The following NPNT variants were observed in gnomAD, a reference collection of about 807,000 sequenced individuals.
NPNT encodes the protein nephronectin, also known as preosteoblast EGF-like repeat protein with MAM domain.
In NPNT, 45 loss-of-function variants were observed where a neutral mutation model predicts 68.6. That is an observed-to-expected ratio of 0.66 (90% CI 0.52 to 0.84). NPNT has a LOEUF of 0.84. Among genes scored for constraint, NPNT ranks in the 40% least tolerant of loss-of-function variants. The pLI is 0.00. For synonymous variants in NPNT, 233 were observed against 253.3 expected (o/e 0.92, Z 0.76); for missense variants, 672 against 714.8 (o/e 0.94, Z 0.68).
chr4:105,933,276 G>A (rs1188693972), intron 3 of NPNT, among the ~76,000 whole-genome samples: 1 of 152,154 alleles, frequency 6.6e-6, no homozygotes, highest in Non-Finnish European at 1.5e-5. Context: ...CTGTGGGGTT[G>A]GCGTGAGAAT....
At position 105,895,741 on chromosome 4, in the gene NPNT, G is replaced by T. The variant is rs1725770348; in HGVS notation, c.71+18G>T. 4 of 1,548,544 alleles carry T rather than the reference G, an allele frequency of 2.6e-6. No homozygotes were observed. In the East Asian group the frequency reaches 9.8e-5, roughly 38 times the overall value. On this transcript the variant is annotated intron_variant, in intron 1 of 11. Coordinates refer to ENST00000379987, the MANE Select transcript of NPNT (RefSeq NM_001033047.3). ...GACGGGAGGTGAGCTGGGCCCCGGGGCGCCCTCTCCTCCTTCCCGCGCTAA... is the reference window on the plus strand; with the variant it reads ...GACGGGAGGTGAGCTGGGCCCCGGGTCGCCCTCTCCTCCTTCCCGCGCTAA...
intron 8 of NPNT, among the ~76,000 whole-genome samples, chr4:105,955,345 T>C (rs1241597924): frequency 6.6e-6 from 1 of 152,176 alleles, no homozygotes; most frequent in Non-Finnish European, 1.5e-5. Context: ...TCAAAATAGC[T>C]CCCTTGAAAT....
At chr4:105,916,195 G>A (rs1295495166) in intron 2 of NPNT, among the ~76,000 whole-genome samples, 1 of 151,124 alleles carries the variant, frequency 6.6e-6, no homozygotes, top group East Asian at 1.9e-4. Context: ...GACTAAAAGT[G>A]AATCATTGTT....
intron 2 of NPNT, among the ~76,000 whole-genome samples, chr4:105,921,771 T>C (rs1355468064): frequency 1.3e-5 from 2 of 152,206 alleles, no homozygotes. Context: ...TTGTTTCATA[T>C]TGCCTTCAGT....
rs1007343523 is a variant in NPNT, at chr4:105,959,098, G to A, written c.1317G>A (p.Leu439=). The A allele has an allele frequency of 8.1e-6, 13 of 1,613,126 alleles. No homozygotes were observed. Among genetic ancestry groups the A allele is most frequent in the Admixed American group, 1.7e-5 (1 of 60,000 alleles). The change falls in exon 10 of 12, where the codon TTG becomes TTA. Residue 439 remains leucine (L), a synonymous_variant. Transcript: ENST00000379987. ...CGWIREKDND[L]HWEPIRDPAG... is the part of the protein sequence containing the mutation. ...GGATCAGGGAGAAAGACAATGACTT[G>A]CACTGGGAACCAATCAGGGACCCAG...
At chr4:105,950,947 A>T (rs1342837362) in intron 8 of NPNT, among the ~76,000 whole-genome samples, 1 of 152,192 alleles carries the variant, frequency 6.6e-6, no homozygotes, top group Admixed American at 6.5e-5. Flanking sequence ...ATGTGTACAC[A>T]AATTACAAGG....
intron 2 of NPNT, among the ~76,000 whole-genome samples, chr4:105,916,752 G>T (rs757882146): frequency 2.0e-5 from 3 of 152,072 alleles, no homozygotes; most frequent in African/African-American, 4.8e-5. Context: ...TAGACTATTA[G>T]TTTCATGAAG....
intron 8 of NPNT, among the ~76,000 whole-genome samples, chr4:105,957,418 A>G (rs1435094143): frequency 1.3e-5 from 2 of 152,172 alleles, no homozygotes; most frequent in African/African-American, 2.4e-5. Context: ...AAATAAATCA[A>G]TGATTTAAAG....
intron 3 of NPNT, among the ~76,000 whole-genome samples, chr4:105,928,339 C>T (rs564225080): frequency 3.6e-3 from 549 of 152,216 alleles, no homozygotes; most frequent in Non-Finnish European, 5.7e-3. Flanking sequence ...ATTGGCCTGG[C>T]GTGGTGGCTC....
Position 105,970,899 on chromosome 4 carries a change from T to C in NPNT, c.*1909T>C. The C allele has an allele frequency of 3.3e-6, 1 of 306,164 alleles. No individual in the cohort carries two copies. The highest frequency in any genetic ancestry group is 2.9e-5 in the South Asian group (1 of 34,792). 19.0% of individuals were successfully genotyped at this position (306,164 alleles called of 1,614,324 possible). A position where few individuals can be genotyped will look rare whatever the true frequency, so the allele number is the denominator to read the frequency against. On this transcript the variant is annotated 3_prime_UTR_variant, in exon 12 of 12. Coordinates refer to ENST00000379987, the MANE Select transcript of NPNT (RefSeq NM_001033047.3). The stretch of plus-strand genomic sequence containing the variant: ...ATTGAAAGGGGAAGAGCCCACCAAA[T>C]GCTGAGCTCACTGAAATATCTCTCC...
chr4:105,909,755 G>C (rs1727206641), intron 2 of NPNT, among the ~76,000 whole-genome samples: 1 of 152,150 alleles, frequency 6.6e-6, no homozygotes, highest in South Asian at 2.1e-4. Context: ...GAACTTTCTA[G>C]AGCTATTGCT....
chr4:105,910,053 A>C (rs1422485513), intron 2 of NPNT, among the ~76,000 whole-genome samples: 1 of 151,754 alleles, frequency 6.6e-6, no homozygotes, highest in Non-Finnish European at 1.5e-5. Context: ...GAAGATGGGC[A>C]TACCTTTGGA....
chr4:105,937,127 A>G lies in NPNT; in HGVS notation c.384A>G (p.Ser128=), dbSNP rs1193785993. 1.9e-6 allele frequency: 3 copies of G among 1,612,972 alleles called. No homozygotes were observed. Among genetic ancestry groups the G allele is most frequent in the Non-Finnish European group, 2.5e-6 (3 of 1,179,452 alleles). ...TGCTCATGCCGGATGGTTCCTGCTCAAGTATGTCAAGAATCTTAACTGTTT... is the reference window on the plus strand; with the variant it reads ...TGCTCATGCCGGATGGTTCCTGCTCGAGTATGTCAAGAATCTTAACTGTTT... ...GYMLMPDGSC[S]SALTCSMANC... Residue 128 remains serine (S), a splice_region_variant and synonymous_variant, in exon 4 of 12, where the codon TCA becomes TCG. Coordinates refer to ENST00000379987, the MANE Select transcript of NPNT (RefSeq NM_001033047.3).
chr4:105,903,082 T>A (rs1417517363), intron 2 of NPNT, among the ~76,000 whole-genome samples: 1 of 152,154 alleles, frequency 6.6e-6, no homozygotes, highest in Non-Finnish European at 1.5e-5. Flanking sequence ...GATATGCTGC[T>A]TGAAGTTGCC....
At chr4:105,906,609 C>A (rs1352029227) in intron 2 of NPNT, among the ~76,000 whole-genome samples, 1 of 152,194 alleles carries the variant, frequency 6.6e-6, no homozygotes, top group Non-Finnish European at 1.5e-5. Context: ...GAATCACTAA[C>A]AATGTTCTGA....
Position 105,895,741 on chromosome 4 carries a change from G to A in NPNT, c.71+18G>A, listed in dbSNP as rs1725770348. 1.9e-6 allele frequency: 3 copies of A among 1,548,426 alleles called. No homozygotes were observed. Among genetic ancestry groups the A allele is most frequent in the Middle Eastern group, 1.7e-4 (1 of 5,968 alleles). On this transcript the variant is annotated intron_variant, in intron 1 of 11. Transcript: ENST00000379987. The stretch of plus-strand genomic sequence containing the variant: ...GACGGGAGGTGAGCTGGGCCCCGGG[G>A]CGCCCTCTCCTCCTTCCCGCGCTAA...
chr4:105,917,398 A>G (rs1310830179), intron 2 of NPNT, among the ~76,000 whole-genome samples: 1 of 152,166 alleles, frequency 6.6e-6, no homozygotes, highest in East Asian at 1.9e-4. Flanking sequence ...GCCTCCCTGC[A>G]GAGAAATGCC....
In NPNT at chr4:105,967,106, A is replaced by AC. The variant is rs1053648520; in HGVS notation, c.1346-82_1346-81insC. On this transcript the variant is annotated intron_variant, in intron 10 of 11. Transcript: ENST00000379987. Reference sequence around the variant, plus strand: ...CTTTACAAAGAAAAGAAAAAAAAAAAAAAACTAAAACTCCTGTCCATGCTG... The same window carrying AC: ...CTTTACAAAGAAAAGAAAAAAAAAAACAAAACTAAAACTCCTGTCCATGCTG... 8,087 of 1,304,500 alleles carry AC rather than the reference A, an allele frequency of 6.2e-3. 3 individuals are homozygous for AC. The highest frequency in any genetic ancestry group is 9.6e-3 in the East Asian group (394 of 41,208). The allele number at this position is 1,304,500 out of a possible 1,614,324, so 80.8% of individuals were successfully genotyped here. A position where few individuals can be genotyped will look rare whatever the true frequency, so the allele number is the denominator to read the frequency against.
chr4:105,919,892 T>G (rs989257925), intron 2 of NPNT, among the ~76,000 whole-genome samples: 10 of 152,008 alleles, frequency 6.6e-5, no homozygotes, highest in African/African-American at 2.4e-4. Flanking sequence ...GGGTAATACA[T>G]TCACACTGTT....
Sources: gnomAD v4.1 joint callset for allele counts (sites outside exome capture counted in the v4.1 genomes callset) on GRCh38, gnomAD v4.1.1 for gene constraint, MANE v1.5 for transcripts, NCBI Gene and HGNC (gene_info 2026-07-23, HGNC 2026-07-21) for gene names.